Variants in TULP4 observed in about 807,000 individuals in gnomAD.
The protein encoded by TULP4 is tubby-related protein 4.
TULP4 carries 16 observed loss-of-function variants against 129.0 expected under a neutral mutation model. The ratio of observed to expected loss-of-function variants is 0.12; its 90% CI spans 0.08 to 0.19. The LOEUF is 0.19. Ranked by LOEUF, TULP4 falls within the 10% of genes least tolerant of loss-of-function variation. The probability of loss-of-function intolerance (pLI) is 1.00; values close to 1 mark genes in which losing one functional copy is unlikely to be tolerated. For synonymous variants in TULP4, 998 were observed against 854.0 expected (o/e 1.17, Z -2.94); for missense variants, 1,842 against 2,059.1 (o/e 0.89, Z 2.04).
rs377032018 is a variant in TULP4 at position 158,449,073 on chromosome 6, C to T, written c.621C>T (p.His207=). The T allele has an allele frequency of 2.0e-4, 318 of 1,613,912 alleles. No homozygotes were observed. The highest frequency in any genetic ancestry group is 3.3e-4 in the Middle Eastern group (2 of 6,084). ...GAATGCTGGCCCACGTCCTCTTGCA[C>T]GAGTCAGACGGTGTCCTCGGCATGT... ...HGRMLAHVLL[H]ESDGVLGMSW... is the part of the protein sequence containing the mutation. Residue 207 remains histidine (H), a synonymous_variant, in exon 4 of 14, where the codon CAC becomes CAT. Transcript: ENST00000367097.
At chr6:158,254,861 C>T (rs545298578) in intron 1 of TULP4, among the ~76,000 whole-genome samples, 116 of 152,294 alleles carry the variant, frequency 7.6e-4, no homozygotes, top group African/African-American at 2.6e-3. Context: ...CACCCGAGAC[C>T]GGAAGTTCCA....
At chr6:158,437,809 G>A (rs1415917225) in intron 3 of TULP4, 4 of 152,226 alleles carry the variant, frequency 2.6e-5, no homozygotes, top group African/African-American at 9.6e-5. Flanking sequence ...TGGGTATGGT[G>A]GCATGTGCCT....
intron 6 of TULP4, among the ~76,000 whole-genome samples, chr6:158,476,477 T>A (rs1168376071): frequency 6.6e-6 from 1 of 152,180 alleles, no homozygotes; most frequent in Non-Finnish European, 1.5e-5. Flanking sequence ...TTCTCACTCC[T>A]GCTTGGCTGA....
At chr6:158,452,392 A>G in intron 5 of TULP4, 124 bp downstream of exon 5, 4 of 1,316,726 alleles carry the variant, frequency 3.0e-6, no homozygotes, top group Non-Finnish European at 4.1e-6. Context: ...TCTGGGCTTC[A>G]TGGAGTCTGT....
intron 1 of TULP4, among the ~76,000 whole-genome samples, chr6:158,263,670 C>T (rs749474152): frequency 3.9e-5 from 6 of 151,988 alleles, no homozygotes; most frequent in Non-Finnish European, 8.8e-5. Flanking sequence ...GTGGGAAGAT[C>T]GCTTGAGCCT....
At chr6:158,458,996 G>A (rs977589206) in intron 5 of TULP4, among the ~76,000 whole-genome samples, 1 of 152,158 alleles carries the variant, frequency 6.6e-6, no homozygotes, top group Non-Finnish European at 1.5e-5. Context: ...ACTCACATAC[G>A]TTGCTATATC....
chr6:158,378,092 G>T (rs1406571949), intron 1 of TULP4, among the ~76,000 whole-genome samples: 1 of 152,136 alleles, frequency 6.6e-6, no homozygotes, highest in African/African-American at 2.4e-5. Flanking sequence ...CTTGCTTTCA[G>T]TCTGCTGGGA....
chr6:158,280,190 G>T (rs1416807680), upstream of TULP4, among the ~76,000 whole-genome samples: 2 of 151,906 alleles, frequency 1.3e-5, no homozygotes, highest in Admixed American at 6.6e-5. Flanking sequence ...TCTTACCATG[G>T]TAGCAAGACC....
At chr6:158,324,537 T>A (rs895034074) in intron 1 of TULP4, among the ~76,000 whole-genome samples, 4 of 152,230 alleles carry the variant, frequency 2.6e-5, no homozygotes, top group African/African-American at 9.6e-5. Context: ...GCTTTGGCTC[T>A]ACAGTGGTGA....
intron 1 of TULP4, among the ~76,000 whole-genome samples, chr6:158,359,135 T>C (rs1381408545): frequency 6.6e-6 from 1 of 152,180 alleles, no homozygotes; most frequent in Non-Finnish European, 1.5e-5. Flanking sequence ...TATGTGACTT[T>C]CTATGCCAGC....
chr6:158,292,634 G>A (rs2128471272), intron 1 of TULP4, among the ~76,000 whole-genome samples: 2 of 152,174 alleles, frequency 1.3e-5, no homozygotes, highest in East Asian at 3.9e-4. Context: ...ATTATTAGTG[G>A]TTTTATAGTA....
chr6:158,481,318 C>T (rs750594278), intron 8 of TULP4, 29 bp downstream of exon 8: 2 of 1,591,310 alleles, frequency 1.3e-6, no homozygotes, highest in African/African-American at 2.7e-5. Flanking sequence ...GGACTGGGAC[C>T]TTGTTCTCCT....
intron 1 of TULP4, among the ~76,000 whole-genome samples, chr6:158,395,629 C>T (rs527288536): frequency 8.3e-6 from 1 of 120,676 alleles, no homozygotes; most frequent in African/African-American, 3.3e-5. Context: ...GAGTCATAGT[C>T]CTCCATGTAG....
intron 3 of TULP4, among the ~76,000 whole-genome samples, chr6:158,431,363 G>C (rs144439412): frequency 6.6e-6 from 1 of 152,114 alleles, no homozygotes; most frequent in Non-Finnish European, 1.5e-5. Context: ...GGATGTCTTG[G>C]CTTCACATTC....
At chr6:158,261,371 T>G (rs1379635433) in intron 1 of TULP4, among the ~76,000 whole-genome samples, 3 of 152,228 alleles carry the variant, frequency 2.0e-5, no homozygotes, top group Non-Finnish European at 4.4e-5. Flanking sequence ...TTAAGAAGCA[T>G]AAGCGCTACA....
upstream of TULP4, chr6:158,312,221 C>T (rs1583732172): frequency 5.0e-6 from 2 of 397,974 alleles, no homozygotes; most frequent in East Asian, 3.6e-5. Context: ...CTTGTGCACA[C>T]TTGAGAGTTT....
At chr6:158,243,304 A>G (rs746823106) in intron 1 of TULP4, among the ~76,000 whole-genome samples, 4 of 152,182 alleles carry the variant, frequency 2.6e-5, no homozygotes, top group Admixed American at 6.5e-5. Flanking sequence ...ACCCCTTAAA[A>G]TAATTACAAT....
chr6:158,269,460 C>G (rs1431722560), intron 1 of TULP4, among the ~76,000 whole-genome samples: 1 of 151,732 alleles, frequency 6.6e-6, no homozygotes, highest in East Asian at 1.9e-4. Flanking sequence ...GTGGGCCCTT[C>G]CTTAGTAATG....
intron 1 of TULP4, among the ~76,000 whole-genome samples, chr6:158,346,559 T>C (rs1490143818): frequency 6.6e-6 from 1 of 152,224 alleles, no homozygotes; most frequent in East Asian, 1.9e-4. Context: ...TATCTACAAG[T>C]TATGCTGATA....
Sources: gnomAD v4.1 joint callset for allele counts (sites outside exome capture counted in the v4.1 genomes callset) on GRCh38, gnomAD v4.1.1 for gene constraint, MANE v1.5 for transcripts, NCBI Gene and HGNC (gene_info 2026-07-23, HGNC 2026-07-21) for gene names.